The following SNW1 variants were observed in gnomAD, a reference collection of about 807,000 sequenced individuals.
The protein encoded by SNW1 is SNW domain containing 1, also known as SNW domain-containing protein 1.
SNW1 carries 9 observed loss-of-function variants against 75.6 expected under a neutral mutation model. The observed-to-expected ratio is 0.12, with a 90% confidence interval of 0.07 to 0.21. The LOEUF is 0.21. SNW1 is among the 10% of genes least tolerant of loss of function. SNW1 has a pLI of 1.00. For missense variants in SNW1, 409 were observed against 670.9 expected (o/e 0.61, Z 4.31); for synonymous variants, 200 against 219.1 (o/e 0.91, Z 0.77).
chr14:77,730,952 C>T (rs772647551), intron 10 of SNW1, 36 bp downstream of exon 10: 5 of 1,593,724 alleles, frequency 3.1e-6, no homozygotes, highest in African/African-American at 2.7e-5. Context: ...TTTTGTTCAC[C>T]AAGCAAAATT....
chr14:77,754,716 A>G (rs2080831333), intron 2 of SNW1, among the ~76,000 whole-genome samples: 1 of 152,142 alleles, frequency 6.6e-6, no homozygotes, highest in Admixed American at 6.6e-5. Flanking sequence ...TTTCTTGTAA[A>G]TATTTAATAG....
In SNW1 at chr14:77,760,173, G is replaced by A. The variant is rs145913064; in HGVS notation, c.14+941C>T. Among the ~76,000 whole-genome samples the A allele has an allele frequency of 9.2e-5, 14 of 152,148 alleles. No individual in the cohort carries two copies. In the East Asian group the frequency reaches 1.7e-3, roughly 19 times the overall value. On this transcript the variant is annotated intron_variant, in intron 1 of 13. Transcript: ENST00000261531. ...TTTTCTTCTGTGTACACAACCCCCA[G>A]GACAGAGCAAGGCACCAACAGTAAT...
At chr14:77,722,106 GCA>G (rs1248535497) in intron 11 of SNW1, among the ~76,000 whole-genome samples, 1 of 152,098 alleles carries the variant, frequency 6.6e-6, no homozygotes, top group Non-Finnish European at 1.5e-5. Flanking sequence ...GATGATCAGA[GCA>G]CAGAAAACTG....
In SNW1 at chr14:77,717,689, G is replaced by C. The variant is rs1234811445; in HGVS notation, c.*399C>G. 2.4e-6 allele frequency: 2 copies of C among 817,058 alleles called. No individual in the cohort carries two copies. The highest frequency in any genetic ancestry group is 3.9e-6 in the Non-Finnish European group (2 of 515,830). 50.6% of individuals were successfully genotyped at this position (817,058 alleles called of 1,614,324 possible). On this transcript the variant is annotated 3_prime_UTR_variant, in exon 14 of 14. Transcript: ENST00000261531. ...CAAATTAAAACAGAGCACAATAGGG[G>C]CAAAATTTATTTGGCAGGACAGTTC...
intron 10 of SNW1, among the ~76,000 whole-genome samples, chr14:77,727,786 G>C (rs2080597153): frequency 6.6e-6 from 1 of 152,118 alleles, no homozygotes; most frequent in Admixed American, 6.5e-5. Flanking sequence ...GTTGAAATCT[G>C]TTTGTTAGAA....
chr14:77,747,854 C>T lies in SNW1; in HGVS notation c.330+3465G>A, dbSNP rs373604955. Among the ~76,000 whole-genome samples, 172 of 151,572 alleles carry T rather than the reference C, an allele frequency of 1.1e-3. 2 individuals carry two copies. The highest frequency in any genetic ancestry group is 9.0e-4 in the Non-Finnish European group (61 of 67,804). ...GAGGTGGGGGGCGCCTCTGCCCGGC[C>T]GCCCCGTCTGGGAGGTGAGGAGCCC... On this transcript the variant is annotated intron_variant, in intron 3 of 13. Coordinates refer to ENST00000261531, the MANE Select transcript of SNW1 (RefSeq NM_012245.3).
Position 77,728,991 on chromosome 14 carries a change from C to T in SNW1, c.1033+1997G>A, listed in dbSNP as rs8013727. 8.1e-3 allele frequency among the ~76,000 whole-genome samples: 1,236 copies of T among 152,214 alleles called. 19 individuals are homozygous for T. The highest frequency in any genetic ancestry group is 0.028 in the African/African-American group (1,171 of 41,540). ...GAGAACTCAAATGCAGTAAGTTTTA[C>T]TTCTAATTATCTTCTATGGTTAGGT... On this transcript the variant is annotated intron_variant, in intron 10 of 13. Transcript: ENST00000261531.
chr14:77,720,592 TCCAA>T (rs2080531572), intron 12 of SNW1, 115 bp downstream of exon 12: 1 of 797,204 alleles, frequency 1.3e-6, no homozygotes, highest in South Asian at 1.4e-5. Flanking sequence ...ACATACAACT[TCCAA>T]TTTTTTTGTC....
At chr14:77,726,981 G>A (rs1448074977) in intron 10 of SNW1, among the ~76,000 whole-genome samples, 1 of 152,004 alleles carries the variant, frequency 6.6e-6, no homozygotes, top group African/African-American at 2.4e-5. Flanking sequence ...TCAGTTTTAA[G>A]TTTTTTGGTG....
chr14:77,754,168 C>T (rs1478458696), intron 2 of SNW1, among the ~76,000 whole-genome samples: 3 of 151,600 alleles, frequency 2.0e-5, no homozygotes, highest in African/African-American at 7.3e-5. Context: ...CCTCAGCCTC[C>T]GGAGTAGCTG....
chr14:77,755,064 G>A lies in SNW1; in HGVS notation c.71C>T (p.Ala24Val), dbSNP rs1409151484. Residue 24 changes from alanine to valine, a missense_variant, in exon 2 of 14, where the codon GCA (alanine) becomes GTA (valine). Physicochemically the swap from Ala to Val is moderately conservative, Grantham distance 64 (BLOSUM62 0). This residue lies in a region of SNW1 where 73 missense variants were observed against 68.3 expected (regional missense o/e 1.07). Coordinates refer to ENST00000261531, the MANE Select transcript of SNW1 (RefSeq NM_012245.3). ...GGTCTGCCGTGATCTCTGGGATCTT[G>A]CCTTTTCTTCAGCCTCAAGCTGGTC... ...SQDQLEAEEK[A>V]RSQRSRQTSL... The A allele has an allele frequency of 1.2e-6, 2 of 1,612,994 alleles. No homozygotes were observed. The highest frequency in any genetic ancestry group is 1.7e-5 in the Admixed American group (1 of 60,016).
chr14:77,726,827 C>A (rs936869176), intron 10 of SNW1, among the ~76,000 whole-genome samples: 2 of 151,142 alleles, frequency 1.3e-5, no homozygotes, highest in African/African-American at 4.9e-5. Context: ...AAAAAAAAAA[C>A]CTTTATTCCT....
intron 3 of SNW1, 82 bp from the exon 4 acceptor site, chr14:77,739,143 C>T: frequency 1.1e-6 from 1 of 946,728 alleles, no homozygotes; most frequent in Non-Finnish European, 1.7e-6. Flanking sequence ...TGTCAACATG[C>T]CCTCTCAGCA....
intron 12 of SNW1, 127 bp from the exon 13 acceptor site, chr14:77,718,657 T>TA: frequency 1.7e-6 from 1 of 579,608 alleles, no homozygotes; most frequent in Non-Finnish European, 3.0e-6. Context: ...AACTGCAAAT[T>TA]AAAAAGTCTT....
chr14:77,752,166 A>G (rs2080814240), intron 2 of SNW1, among the ~76,000 whole-genome samples: 1 of 152,220 alleles, frequency 6.6e-6, no homozygotes, highest in African/African-American at 2.4e-5. Context: ...GTAAAGCTAT[A>G]CTTGGGGCAG....
chr14:77,752,141 T>G (rs1239696425), intron 2 of SNW1, among the ~76,000 whole-genome samples: 1 of 152,156 alleles, frequency 6.6e-6, no homozygotes, highest in Non-Finnish European at 1.5e-5. Flanking sequence ...AAATACATAT[T>G]TTAGTGAGGA....
At chr14:77,734,750 GA>G (rs2080657108) in intron 8 of SNW1, among the ~76,000 whole-genome samples, 196 bp downstream of exon 8, 3 of 150,118 alleles carry the variant, frequency 2.0e-5, no homozygotes, top group African/African-American at 7.4e-5. Flanking sequence ...AAAAAAAAAG[GA>G]ACTGACACGG....
At chr14:77,754,771 A>C (rs530527890) in intron 2 of SNW1, among the ~76,000 whole-genome samples, 196 bp downstream of exon 2, 1 of 152,378 alleles carries the variant, frequency 6.6e-6, no homozygotes, top group East Asian at 1.9e-4. Context: ...TAGTGACCAC[A>C]AAGCAGTGAT....
chr14:77,721,442 G>GT (rs2080540037), intron 11 of SNW1, among the ~76,000 whole-genome samples: 1 of 152,184 alleles, frequency 6.6e-6, no homozygotes, highest in South Asian at 2.1e-4. Context: ...TCTATAGGCT[G>GT]TTTGATTTTC....
Sources: allele counts gnomAD v4.1 joint callset (sites outside exome capture counted in the v4.1 genomes callset), GRCh38; gene constraint gnomAD v4.1.1; regional missense constraint gnomAD v4.1.1; transcripts MANE v1.5; gene names NCBI Gene and HGNC (gene_info 2026-07-23, HGNC 2026-07-21).